The following BCL2L2 variants were observed in gnomAD, a reference collection of about 807,000 sequenced individuals.
The protein encoded by BCL2L2 is BCL2 like 2.
BCL2L2 carries 6 observed loss-of-function variants against 14.6 expected under a neutral mutation model. That is an observed-to-expected ratio of 0.41 (90% CI 0.22 to 0.81). The LOEUF is 0.81. Ranked by LOEUF, BCL2L2 falls within the 30% of genes least tolerant of loss-of-function variation. The pLI is 0.32. For synonymous variants in BCL2L2, 90 were observed against 108.5 expected (o/e 0.83, Z 1.06); for missense variants, 191 against 260.5 (o/e 0.73, Z 1.84).
At position 23,307,691 on chromosome 14, in the gene BCL2L2, A is replaced by T. The variant is rs141820964; in HGVS notation, c.-8-69A>T. The T allele has an allele frequency of 1.5e-3, 2,336 of 1,507,190 alleles. 40 individuals are homozygous for T. In the African/African-American group the frequency reaches 0.028, roughly 18 times the overall value. 93.4% of individuals were successfully genotyped at this position (1,507,190 alleles called of 1,614,324 possible). A position where few individuals can be genotyped will look rare whatever the true frequency, so the allele number is the denominator to read the frequency against. ...CCTCCTCATCTCACTGGGTTGGTCA[A>T]ACCAGAAGTGCTCCTTCTGATTCTC... is the stretch of plus-strand genomic sequence containing the variant. On this transcript the variant is annotated intron_variant, in intron 2 of 3. Transcript: ENST00000250405.
In BCL2L2 at chr14:23,308,064, C is replaced by A. The variant is rs376965445; in HGVS notation, c.297C>A (p.Phe99Leu). 2 of 1,613,950 alleles carry A rather than the reference C, an allele frequency of 1.2e-6. No individual in the cohort carries two copies. Among genetic ancestry groups the A allele is most frequent in the Non-Finnish European group, 1.7e-6 (2 of 1,180,048 alleles). ...GGPNWGRLVAFFVFGAALCAE... is the reference protein window; with the variant it reads ...GGPNWGRLVALFVFGAALCAE... ...CCAACTGGGGCCGCCTTGTAGCCTT[C>A]TTTGTCTTTGGGGCTGCACTGTGTG... Residue 99 changes from phenylalanine (F) to leucine (L), a missense_variant, in exon 3 of 4, where the codon TTC becomes TTA. By Grantham distance (22) the Phe-to-Leu change is conservative (BLOSUM62 0). Transcript: ENST00000250405. This position sits in a 1 kb window ranked among gnomAD's most constrained non-coding sequence, Gnocchi z 5.4.
chr14:23,308,970 C>T lies in BCL2L2; in HGVS notation c.*5C>T, dbSNP rs776117079. The T allele has an allele frequency of 1.1e-5, 15 of 1,324,268 alleles. No individual in the cohort carries two copies. The highest frequency in any genetic ancestry group is 6.1e-5 in the Admixed American group (2 of 32,788). 82.0% of individuals were successfully genotyped at this position (1,324,268 alleles called of 1,614,324 possible). On this transcript the variant is annotated 3_prime_UTR_variant, in exon 4 of 4. Coordinates refer to ENST00000250405, the MANE Select transcript of BCL2L2 (RefSeq NM_004050.5). This position sits in a 1 kb window ranked among gnomAD's most constrained non-coding sequence, Gnocchi z 5.4. ...GCCTTTTTTGCTAGCAAGTGAAAGT[C>T]CAGGGCCAGGTGGGGCTAGGTGTGG...
At position 23,307,994 on chromosome 14, in the gene BCL2L2, A is replaced by G. The variant is rs1887354090; in HGVS notation, c.227A>G (p.Gln76Arg). 1.2e-6 allele frequency: 2 copies of G among 1,614,160 alleles called. No individual in the cohort carries two copies. Among genetic ancestry groups the G allele is most frequent in the Non-Finnish European group, 1.7e-6 (2 of 1,180,028 alleles). Residue 76 changes from glutamine to arginine, a missense_variant, in exon 3 of 4, where the codon CAA (glutamine) becomes CGA (arginine). Coordinates refer to ENST00000250405, the MANE Select transcript of BCL2L2 (RefSeq NM_004050.5). The stretch of plus-strand genomic sequence containing the variant: ...CTGCATGTGACCCCAGGCTCAGCCC[A>G]ACAACGCTTCACCCAGGTCTCCGAT... ...AQLHVTPGSAQQRFTQVSDEL... is the reference protein window; with the variant it reads ...AQLHVTPGSARQRFTQVSDEL...
Position 23,309,845 on chromosome 14 carries a change from G to T in BCL2L2, c.*880G>T. ...CCTGCCACCCTCCTCTCCCACTCAG[G>T]CACAATGGTGCCTAAAGTGTTTCCA... On this transcript the variant is annotated 3_prime_UTR_variant, in exon 4 of 4. Coordinates refer to ENST00000250405, the MANE Select transcript of BCL2L2 (RefSeq NM_004050.5). The T allele has an allele frequency of 6.1e-6, 6 of 985,450 alleles. No homozygotes were observed. Among genetic ancestry groups the T allele is most frequent in the Non-Finnish European group, 7.2e-6 (6 of 829,950 alleles). 61.0% of individuals were successfully genotyped at this position (985,450 alleles called of 1,614,324 possible). A position where few individuals can be genotyped will look rare whatever the true frequency, so the allele number is the denominator to read the frequency against.
rs566798021 is a variant in BCL2L2, at chr14:23,308,484, C to T, written c.432+285C>T. 3.3e-5 allele frequency among the ~76,000 whole-genome samples: 5 copies of T among 152,130 alleles called. No individual in the cohort carries two copies. The highest frequency in any genetic ancestry group is 5.9e-5 in the Non-Finnish European group (4 of 68,006). ...TGTCAGGGACTTTTTACATCTGAGT[C>T]ATGGCGTGGGAGGTGGGGAGGACCA... On this transcript the variant is annotated intron_variant, in intron 3 of 3. Transcript: ENST00000250405. The surrounding 1 kb of genome is among the most constrained non-coding windows in gnomAD (Gnocchi z 5.4).
rs1230167549 is a variant in BCL2L2 at position 23,311,210 on chromosome 14, TCCTG to T, written c.*2248_*2251del. On this transcript the variant is annotated 3_prime_UTR_variant, in exon 4 of 4. Coordinates refer to ENST00000250405, the MANE Select transcript of BCL2L2 (RefSeq NM_004050.5). The stretch of plus-strand genomic sequence containing the variant: ...GACCACAGTGGGCAATTTTGACCTG[TCCTG>T]CCCTTCTTAGCTTGAAGGGAAACCC... 8.0e-7 allele frequency: 1 copy of T among 1,248,294 alleles called. No individual in the cohort carries two copies. Among genetic ancestry groups the T allele is most frequent in the African/African-American group, 1.6e-5 (1 of 63,124 alleles). 77.3% of individuals were successfully genotyped at this position (1,248,294 alleles called of 1,614,324 possible).
At position 23,308,981 on chromosome 14, in the gene BCL2L2, T is replaced by C; in HGVS notation, c.*16T>C. The C allele has an allele frequency of 7.6e-7, 1 of 1,321,116 alleles. No homozygotes were observed. 81.8% of individuals were successfully genotyped at this position (1,321,116 alleles called of 1,614,324 possible). A position where few individuals can be genotyped will look rare whatever the true frequency, so the allele number is the denominator to read the frequency against. On this transcript the variant is annotated 3_prime_UTR_variant, in exon 4 of 4. Transcript: ENST00000250405. This position sits in a 1 kb window ranked among gnomAD's most constrained non-coding sequence, Gnocchi z 5.4. ...TAGCAAGTGAAAGTCCAGGGCCAGG[T>C]GGGGCTAGGTGTGGCTGGGGGCCAG...
Position 23,309,071 on chromosome 14 carries a change from G to A in BCL2L2, c.*106G>A. On this transcript the variant is annotated 3_prime_UTR_variant, in exon 4 of 4. Transcript: ENST00000250405. Reference sequence around the variant, plus strand: ...TGGAGTTGGTGGATGGGTGGGCATGGAACAGGATGGGCAGAGAAAGGGTAG... The same window carrying A: ...TGGAGTTGGTGGATGGGTGGGCATGAAACAGGATGGGCAGAGAAAGGGTAG... 4.7e-6 allele frequency: 6 copies of A among 1,274,874 alleles called. No individual in the cohort carries two copies. Among genetic ancestry groups the A allele is most frequent in the African/African-American group, 1.5e-5 (1 of 65,632 alleles). 79.0% of individuals were successfully genotyped at this position (1,274,874 alleles called of 1,614,324 possible).
Position 23,307,672 on chromosome 14 carries a change from C to T in BCL2L2, c.-8-88C>T, listed in dbSNP as rs189475190. 250 of 1,480,694 alleles carry T rather than the reference C, an allele frequency of 1.7e-4. No homozygotes were observed. In the Admixed American group the frequency reaches 2.4e-3, roughly 14 times the overall value. 91.7% of individuals were successfully genotyped at this position (1,480,694 alleles called of 1,614,324 possible). ...TCCTGAGCATTTCCTCTCTCCTCCT[C>T]ATCTCACTGGGTTGGTCAAACCAGA... On this transcript the variant is annotated intron_variant, in intron 2 of 3. Coordinates refer to ENST00000250405, the MANE Select transcript of BCL2L2 (RefSeq NM_004050.5).
Position 23,308,772 on chromosome 14 carries a change from T to G in BCL2L2, c.433-44T>G. The G allele has an allele frequency of 7.7e-7, 1 of 1,292,348 alleles. No individual in the cohort carries two copies. The highest frequency in any genetic ancestry group is 1.0e-6 in the Non-Finnish European group (1 of 1,001,096). 80.1% of individuals were successfully genotyped at this position (1,292,348 alleles called of 1,614,324 possible). A position where few individuals can be genotyped will look rare whatever the true frequency, so the allele number is the denominator to read the frequency against. On this transcript the variant is annotated intron_variant, in intron 3 of 3. Transcript: ENST00000250405. The surrounding 1 kb of genome is among the most constrained non-coding windows in gnomAD (Gnocchi z 5.4). ...CTCTCCACTCTTTCCTCTCCTGATA[T>G]CCCTTTCTCCTTCTTTCTCTCCTGC... is the stretch of plus-strand genomic sequence containing the variant.
Position 23,308,946 on chromosome 14 carries a change from C to G in BCL2L2, c.563C>G (p.Ala188Gly), listed in dbSNP as rs1354937822. 7.6e-7 allele frequency: 1 copy of G among 1,323,922 alleles called. No individual in the cohort carries two copies. Among genetic ancestry groups the G allele is most frequent in the Non-Finnish European group, 9.7e-7 (1 of 1,028,380 alleles). 82.0% of individuals were successfully genotyped at this position (1,323,922 alleles called of 1,614,324 possible). The change falls in exon 4 of 4, where the codon GCC becomes GGC. Residue 188 changes from alanine to glycine, a missense_variant. Transcript: ENST00000250405. This position sits in a 1 kb window ranked among gnomAD's most constrained non-coding sequence, Gnocchi z 5.4. Reference protein sequence around the residue: ...VALGALVTVGAFFASK With the variant: ...VALGALVTVGGFFASK ...CTGGGGGCCCTGGTAACTGTAGGGG[C>G]CTTTTTTGCTAGCAAGTGAAAGTCC...
Position 23,310,646 on chromosome 14 carries a change from C to G in BCL2L2, c.*1681C>G. The stretch of plus-strand genomic sequence containing the variant: ...GTTGTGAGTATGCTGACACCAGAAA[C>G]TCAGAGCCAGCTTGTGGCAAGCAGT... On this transcript the variant is annotated 3_prime_UTR_variant, in exon 4 of 4. Transcript: ENST00000250405. 1 of 1,132,724 alleles carries G rather than the reference C, an allele frequency of 8.8e-7. No individual in the cohort carries two copies. The highest frequency in any genetic ancestry group is 1.1e-6 in the Non-Finnish European group (1 of 916,166). 70.2% of individuals were successfully genotyped at this position (1,132,724 alleles called of 1,614,324 possible).
In BCL2L2 at chr14:23,308,241, A is replaced by G; in HGVS notation, c.432+42A>G. ...TTGCCGCTCTGCACATCCTTCTGCA[A>G]AGCTGGTCTCCAGGGGGAAGATGGG... On this transcript the variant is annotated intron_variant, in intron 3 of 3. Coordinates refer to ENST00000250405, the MANE Select transcript of BCL2L2 (RefSeq NM_004050.5). This position sits in a 1 kb window ranked among gnomAD's most constrained non-coding sequence, Gnocchi z 5.4. The G allele has an allele frequency of 6.5e-7, 1 of 1,545,864 alleles. No individual in the cohort carries two copies. Among genetic ancestry groups the G allele is most frequent in the Non-Finnish European group, 8.7e-7 (1 of 1,149,062 alleles).
In BCL2L2 at chr14:23,308,842, C is replaced by T. The variant is rs373089207; in HGVS notation, c.459C>T (p.Asp153=). Reference sequence around the variant, plus strand: ...CGGAGTTCACAGCTCTATACGGGGACGGGGCCCTGGAGGAGGCGCGGCGTC... The same window carrying T: ...CGGAGTTCACAGCTCTATACGGGGATGGGGCCCTGGAGGAGGCGCGGCGTC... ...GWAEFTALYG[D]GALEEARRLR... is the part of the protein sequence containing the mutation. Residue 153 remains aspartate, a synonymous_variant, in exon 4 of 4, where the codon GAC becomes GAT. Coordinates refer to ENST00000250405, the MANE Select transcript of BCL2L2 (RefSeq NM_004050.5). The surrounding 1 kb of genome is among the most constrained non-coding windows in gnomAD (Gnocchi z 5.4). 9 of 1,320,496 alleles carry T rather than the reference C, an allele frequency of 6.8e-6. No individual in the cohort carries two copies. The highest frequency in any genetic ancestry group is 1.5e-5 in the African/African-American group (1 of 66,402). 81.8% of individuals were successfully genotyped at this position (1,320,496 alleles called of 1,614,324 possible). A position where few individuals can be genotyped will look rare whatever the true frequency, so the allele number is the denominator to read the frequency against.
rs966054654 is a variant in BCL2L2 at position 23,309,744 on chromosome 14, C to T, written c.*779C>T. ...CCCTTCCTTGTGCATTATGCACTTG[C>T]TGCTGCCTCCTGGGCTCTGATAGAA... On this transcript the variant is annotated 3_prime_UTR_variant, in exon 4 of 4. Transcript: ENST00000250405. 1.1e-5 allele frequency: 11 copies of T among 985,468 alleles called. No individual in the cohort carries two copies. In the African/African-American group the frequency reaches 1.6e-4, roughly 14 times the overall value. 61.0% of individuals were successfully genotyped at this position (985,468 alleles called of 1,614,324 possible). A position where few individuals can be genotyped will look rare whatever the true frequency, so the allele number is the denominator to read the frequency against.
In BCL2L2 at chr14:23,309,288, A is replaced by G; in HGVS notation, c.*323A>G. The G allele has an allele frequency of 8.9e-7, 1 of 1,127,520 alleles. No individual in the cohort carries two copies. The highest frequency in any genetic ancestry group is 4.4e-5 in the South Asian group (1 of 22,580). 69.8% of individuals were successfully genotyped at this position (1,127,520 alleles called of 1,614,324 possible). A position where few individuals can be genotyped will look rare whatever the true frequency, so the allele number is the denominator to read the frequency against. On this transcript the variant is annotated 3_prime_UTR_variant, in exon 4 of 4. Transcript: ENST00000250405. Reference sequence around the variant, plus strand: ...GGAACTTGCTTCACAGCCCTGAGGAAGGTGGACTTACATAAGCAGCTGTAT... The same window carrying G: ...GGAACTTGCTTCACAGCCCTGAGGAGGGTGGACTTACATAAGCAGCTGTAT...
At position 23,310,641 on chromosome 14, in the gene BCL2L2, A is replaced by T; in HGVS notation, c.*1676A>T. 8.8e-7 allele frequency: 1 copy of T among 1,131,120 alleles called. No individual in the cohort carries two copies. Among genetic ancestry groups the T allele is most frequent in the South Asian group, 1.9e-5 (1 of 51,798 alleles). The allele number at this position is 1,131,120 out of a possible 1,614,324, so 70.1% of individuals were successfully genotyped here. On this transcript the variant is annotated 3_prime_UTR_variant, in exon 4 of 4. Coordinates refer to ENST00000250405, the MANE Select transcript of BCL2L2 (RefSeq NM_004050.5). ...GTCTTGTTGTGAGTATGCTGACACCAGAAACTCAGAGCCAGCTTGTGGCAA... is the reference window on the plus strand; with the variant it reads ...GTCTTGTTGTGAGTATGCTGACACCTGAAACTCAGAGCCAGCTTGTGGCAA...
At position 23,311,100 on chromosome 14, in the gene BCL2L2, G is replaced by A. The variant is rs1349584122; in HGVS notation, c.*2135G>A. 3.1e-6 allele frequency: 4 copies of A among 1,289,142 alleles called. No homozygotes were observed. Among genetic ancestry groups the A allele is most frequent in the Non-Finnish European group, 3.0e-6 (3 of 988,678 alleles). 79.9% of individuals were successfully genotyped at this position (1,289,142 alleles called of 1,614,324 possible). ...GGTTACCAAAATGCCCTGCTCTGAA[G>A]CCTTGACACCTGGGTGGAAAGAGAG... On this transcript the variant is annotated 3_prime_UTR_variant, in exon 4 of 4. Coordinates refer to ENST00000250405, the MANE Select transcript of BCL2L2 (RefSeq NM_004050.5).
In BCL2L2 at chr14:23,308,006, C is replaced by T; in HGVS notation, c.239C>T (p.Thr80Ile). ...CCAGGCTCAGCCCAACAACGCTTCA[C>T]CCAGGTCTCCGATGAACTTTTTCAA... The part of the protein sequence containing the change: ...VTPGSAQQRF[T>I]QVSDELFQGG... Residue 80 changes from threonine (T) to isoleucine (I), a missense_variant, in exon 3 of 4, where the codon ACC (threonine) becomes ATC (isoleucine). Physicochemically the swap from Thr to Ile is moderately conservative, Grantham distance 89. Coordinates refer to ENST00000250405, the MANE Select transcript of BCL2L2 (RefSeq NM_004050.5). This position sits in a 1 kb window ranked among gnomAD's most constrained non-coding sequence, Gnocchi z 5.4. 6.2e-7 allele frequency: 1 copy of T among 1,614,200 alleles called. No homozygotes were observed. Among genetic ancestry groups the T allele is most frequent in the Non-Finnish European group, 8.5e-7 (1 of 1,180,042 alleles).
Sources: allele counts gnomAD v4.1 joint callset (sites outside exome capture counted in the v4.1 genomes callset), GRCh38; gene constraint gnomAD v4.1.1; non-coding constraint Gnocchi (gnomAD v3.1); transcripts MANE v1.5; gene names NCBI Gene and HGNC (gene_info 2026-07-23, HGNC 2026-07-21).